Variants in PCLO observed in about 807,000 individuals in gnomAD.
PCLO encodes the protein protein piccolo.
Under a neutral mutation model 427.5 loss-of-function variants are expected in PCLO, and 82 were observed. The observed-to-expected ratio is 0.19, with a 90% CI of 0.16 to 0.23. PCLO has a LOEUF of 0.23. PCLO is among the 10% of genes least tolerant of loss of function. The pLI, the probability that PCLO is intolerant of heterozygous loss-of-function variation, is 1.00. For synonymous variants in PCLO, 2,357 were observed against 2,155.4 expected (o/e 1.09, Z -2.59); for missense variants, 6,239 against 6,115.9 (o/e 1.02, Z -0.67).
At chr7:83,161,929 AG>A (rs1299768512) in intron 1 of PCLO, among the ~76,000 whole-genome samples, 1 of 152,228 alleles carries the variant, frequency 6.6e-6, no homozygotes, top group Admixed American at 6.5e-5. Flanking sequence ...TCATTCACAG[AG>A]AAAAAGACCC....
chr7:83,022,029 G>C (rs1446557957), intron 3 of PCLO, among the ~76,000 whole-genome samples: 1 of 152,156 alleles, frequency 6.6e-6, no homozygotes, highest in African/African-American at 2.4e-5. Context: ...TCCAAAAATT[G>C]TATGCCAAAA....
At chr7:83,024,515 AGCCAGGCTGGGGGAGGGGC>A (rs1788434215) in intron 3 of PCLO, among the ~76,000 whole-genome samples, 1 of 152,304 alleles carries the variant, frequency 6.6e-6, no homozygotes, top group South Asian at 2.1e-4. Flanking sequence ...GCAATGCAGC[AGCCAGGCTGGGGGAGGGGC>A]GCCCGCCATT....
chr7:83,142,733 C>T (rs920922268), intron 2 of PCLO, among the ~76,000 whole-genome samples: 14 of 152,044 alleles, frequency 9.2e-5, no homozygotes, highest in African/African-American at 2.7e-4. Context: ...CCAAAGCAGG[C>T]GGATCACCTG....
At chr7:82,814,615 T>C (rs975543918) in intron 20 of PCLO, among the ~76,000 whole-genome samples, 13 of 151,806 alleles carry the variant, frequency 8.6e-5, no homozygotes, top group African/African-American at 2.9e-4. Flanking sequence ...ATGTAGGTTA[T>C]ATCTACTGAT....
intron 21 of PCLO, among the ~76,000 whole-genome samples, chr7:82,804,004 T>C (rs1434703383): frequency 6.6e-6 from 1 of 152,142 alleles, no homozygotes; most frequent in East Asian, 1.9e-4. Flanking sequence ...ATATTTACTT[T>C]TTGGAATTAT....
At chr7:82,870,815 T>C (rs910247799) in intron 10 of PCLO, among the ~76,000 whole-genome samples, 2 of 151,934 alleles carry the variant, frequency 1.3e-5, no homozygotes, top group East Asian at 3.9e-4. Context: ...AAAGAAGACA[T>C]ACAAATGGCC....
intron 17 of PCLO, among the ~76,000 whole-genome samples, chr7:82,827,256 T>C (rs147333764): frequency 4.1e-4 from 63 of 152,240 alleles, no homozygotes; most frequent in African/African-American, 1.4e-3. Flanking sequence ...TTCAACCTTA[T>C]ACATTTCAGT....
At chr7:82,769,712 A>G (rs1371713155) in intron 22 of PCLO, among the ~76,000 whole-genome samples, 2 of 152,148 alleles carry the variant, frequency 1.3e-5, no homozygotes, top group Admixed American at 1.3e-4. Flanking sequence ...GTCCCATTAC[A>G]CTGTATTTGC....
chr7:82,795,273 T>C (rs1281426871), intron 22 of PCLO, among the ~76,000 whole-genome samples: 1 of 152,194 alleles, frequency 6.6e-6, no homozygotes, highest in Non-Finnish European at 1.5e-5. Context: ...AAACCATATA[T>C]GGACTGGTTA....
intron 20 of PCLO, chr7:82,821,816 A>ATGCT (rs1791799280): frequency 1.0e-6 from 1 of 981,928 alleles, no homozygotes; most frequent in South Asian, 4.7e-5. Context: ...CTTATCACAT[A>ATGCT]TGCTTATACA....
At chr7:83,116,693 A>AT in intron 3 of PCLO, among the ~76,000 whole-genome samples, 1 of 152,334 alleles carries the variant, frequency 6.6e-6, no homozygotes, top group South Asian at 2.1e-4. Flanking sequence ...ATAACACATT[A>AT]TTAACTATAT....
intron 2 of PCLO, 96 bp from the exon 3 acceptor site, chr7:83,135,752 T>A: frequency 1.4e-6 from 1 of 689,756 alleles, no homozygotes; most frequent in Non-Finnish European, 2.4e-6. Context: ...ACTATGTCTC[T>A]CATCATTCAA....
chr7:83,093,043 T>C (rs940757002), intron 3 of PCLO, among the ~76,000 whole-genome samples: 1 of 151,918 alleles, frequency 6.6e-6, no homozygotes, highest in African/African-American at 2.4e-5. Context: ...ACTGAATTCA[T>C]GACTATTGCT....
At chr7:83,083,602 A>G (rs1237533734) in intron 3 of PCLO, among the ~76,000 whole-genome samples, 4 of 152,188 alleles carry the variant, frequency 2.6e-5, no homozygotes, top group South Asian at 2.1e-4. Context: ...GAAACATTCA[A>G]TATTTTCATG....
intron 3 of PCLO, among the ~76,000 whole-genome samples, chr7:83,015,314 C>A (rs145946633): frequency 6.6e-6 from 1 of 151,660 alleles, no homozygotes; most frequent in African/African-American, 2.4e-5. Flanking sequence ...GCTTTTAATG[C>A]TAGGTCTAGG....
chr7:82,925,835 C>T (rs1794700567), intron 6 of PCLO, among the ~76,000 whole-genome samples: 1 of 150,816 alleles, frequency 6.6e-6, no homozygotes, highest in African/African-American at 2.4e-5. Context: ...CCCACCTCAG[C>T]CTCTGAGGTA....
Position 82,915,443 on chromosome 7 carries a change from T to C in PCLO, c.12543A>G (p.Ala4181=). Reference sequence around the variant, plus strand: ...TTGACTGCTTTTGATAAAGTATGGCTGCTGGCAGTTGTTTTGCTGCTTGTT... The same window carrying C: ...TTGACTGCTTTTGATAAAGTATGGCCGCTGGCAGTTGTTTTGCTGCTTGTT... The part of the protein sequence containing the change: ...LEKQAAKQLP[A]AILYQKQSKH... Residue 4181 remains alanine, a synonymous_variant, in exon 7 of 25, where the codon GCA becomes GCG. Coordinates refer to ENST00000333891, the MANE Select transcript of PCLO (RefSeq NM_033026.6). 1 of 1,613,696 alleles carries C rather than the reference T, an allele frequency of 6.2e-7. No homozygotes were observed. The highest frequency in any genetic ancestry group is 8.5e-7 in the Non-Finnish European group (1 of 1,179,762).
intron 6 of PCLO, among the ~76,000 whole-genome samples, chr7:82,940,744 T>C (rs1199675569): frequency 9.4e-6 from 1 of 106,208 alleles, no homozygotes; most frequent in Non-Finnish European, 2.0e-5. Context: ...GCATTAATTA[T>C]TTTTTTCTTT....
intron 3 of PCLO, among the ~76,000 whole-genome samples, chr7:83,012,771 T>C (rs893611325): frequency 5.3e-5 from 8 of 152,060 alleles, no homozygotes; most frequent in Non-Finnish European, 1.2e-4. Flanking sequence ...AACATCCCTG[T>C]TTACTGATTC....
Sources: allele counts gnomAD v4.1 joint callset (sites outside exome capture counted in the v4.1 genomes callset), GRCh38; gene constraint gnomAD v4.1.1; transcripts MANE v1.5; gene names NCBI Gene and HGNC (gene_info 2026-07-23, HGNC 2026-07-21).